Variants in PRKCH observed in about 807,000 individuals in gnomAD.
PRKCH encodes protein kinase C eta type.
Under a neutral mutation model 82.5 loss-of-function variants are expected in PRKCH, and 28 were observed. The ratio of observed to expected loss-of-function variants is 0.34; its 90% CI spans 0.25 to 0.47. PRKCH has a LOEUF of 0.47. Among genes scored for constraint, PRKCH ranks in the 20% least tolerant of loss-of-function variants. The pLI, the probability that PRKCH is intolerant of heterozygous loss-of-function variation, is 1.00. For synonymous variants in PRKCH, 322 were observed against 327.4 expected, an observed-to-expected ratio of 0.98 and a Z score of 0.18; for missense variants, 705 against 881.8, an observed-to-expected ratio of 0.80 and a Z score of 2.54.
intron 1 of PRKCH, among the ~76,000 whole-genome samples, chr14:61,193,799 G>C (rs1369082642): frequency 1.3e-5 from 2 of 152,198 alleles, no homozygotes; most frequent in Admixed American, 6.5e-5. Context: ...ATATTCAGGG[G>C]ATATATTGGG....
chr14:61,273,367 G>A (rs1347642929), intron 1 of PRKCH, among the ~76,000 whole-genome samples: 1 of 152,078 alleles, frequency 6.6e-6, no homozygotes, highest in East Asian at 1.9e-4. Context: ...TTCCTTCCTG[G>A]ATACTTCTCT....
intron 10 of PRKCH, among the ~76,000 whole-genome samples, chr14:61,522,067 T>TA (rs2042914046): frequency 6.6e-6 from 1 of 152,138 alleles, no homozygotes; most frequent in Non-Finnish European, 1.5e-5. Flanking sequence ...CCTGTATGTC[T>TA]AAAAAAAGTA....
At chr14:61,337,322 A>G (rs61990671) in intron 1 of PRKCH, among the ~76,000 whole-genome samples, 36,905 of 151,676 alleles carry the variant, frequency 0.24, 4,730 homozygotes, top group Admixed American at 0.35. Context: ...TTTTTAATGT[A>G]GAGACAGGGT....
chr14:61,436,211 A>T (rs1430826211), intron 2 of PRKCH, among the ~76,000 whole-genome samples: 1 of 152,188 alleles, frequency 6.6e-6, no homozygotes, highest in African/African-American at 2.4e-5. Context: ...GCTTGCGTGG[A>T]TGCTATGAGC....
At chr14:61,329,964 T>C (rs1376423549) in intron 1 of PRKCH, among the ~76,000 whole-genome samples, 1 of 152,202 alleles carries the variant, frequency 6.6e-6, no homozygotes, top group Non-Finnish European at 1.5e-5. Flanking sequence ...ATTACATGTT[T>C]CTATTTGAAA....
At chr14:61,264,203 T>G (rs549801242) in intron 1 of PRKCH, among the ~76,000 whole-genome samples, 1 of 152,316 alleles carries the variant, frequency 6.6e-6, no homozygotes, top group African/African-American at 2.4e-5. Flanking sequence ...GTCTTGTCTG[T>G]TAAGAACATT....
intron 9 of PRKCH, among the ~76,000 whole-genome samples, chr14:61,469,029 G>T (rs1594740493): frequency 2.0e-5 from 3 of 152,224 alleles, no homozygotes; most frequent in Admixed American, 2.0e-4. Context: ...GTTCTGCCAG[G>T]TGGTTTAGTG....
At chr14:61,368,449 A>G (rs1018083318) in intron 1 of PRKCH, among the ~76,000 whole-genome samples, 2 of 152,072 alleles carry the variant, frequency 1.3e-5, no homozygotes, top group Non-Finnish European at 1.5e-5. Flanking sequence ...TCTTCTGCCT[A>G]ATACCTGACA....
chr14:61,409,336 A>G (rs1380154422), intron 2 of PRKCH, among the ~76,000 whole-genome samples: 1 of 152,122 alleles, frequency 6.6e-6, no homozygotes, highest in Non-Finnish European at 1.5e-5. Flanking sequence ...TTTGAAACTC[A>G]TCCCCTACTC....
At chr14:61,521,036 C>T (rs1053578615) in intron 10 of PRKCH, among the ~76,000 whole-genome samples, 11 of 152,114 alleles carry the variant, frequency 7.2e-5, no homozygotes, top group African/African-American at 2.4e-4. Flanking sequence ...GAATTGTATG[C>T]AACCATTATA....
intron 1 of PRKCH, chr14:61,278,984 C>CACACACACACAT (rs2045229745): frequency 7.5e-6 from 1 of 132,940 alleles, no homozygotes; most frequent in Non-Finnish European, 1.6e-5. Flanking sequence ...ATCACACACA[C>CACACACACACAT]ACACACACAC....
Position 61,496,095 on chromosome 14 carries a change from A to G in PRKCH, c.1433+10439A>G, listed in dbSNP as rs549199792. 7.2e-5 allele frequency among the ~76,000 whole-genome samples: 11 copies of G among 152,272 alleles called. No individual in the cohort carries two copies. The East Asian group carries it at 1.9e-3, about 27-fold the overall frequency. On this transcript the variant is annotated intron_variant, in intron 10 of 13. Transcript: ENST00000332981. The stretch of plus-strand genomic sequence containing the variant: ...GGGATCAAGGAGCAGCAGAGGGACC[A>G]GTGGGCTGGAGCAGATGAATTCGGG...
chr14:61,371,948 A>G (rs1188587283), intron 1 of PRKCH, among the ~76,000 whole-genome samples: 2 of 151,962 alleles, frequency 1.3e-5, no homozygotes, highest in Non-Finnish European at 2.9e-5. Context: ...TGCATATTTT[A>G]TATTTTAGGT....
At chr14:61,369,193 A>T (rs974202194) in intron 1 of PRKCH, among the ~76,000 whole-genome samples, 1 of 152,130 alleles carries the variant, frequency 6.6e-6, no homozygotes, top group Non-Finnish European at 1.5e-5. Context: ...CTCAAGGTGT[A>T]GCTTGCATCA....
chr14:61,387,871 G>C (rs185390620), intron 1 of PRKCH, among the ~76,000 whole-genome samples: 2 of 152,144 alleles, frequency 1.3e-5, no homozygotes, highest in Non-Finnish European at 2.9e-5. Context: ...TTGTCCGCTG[G>C]GTGTGGTGGC....
intron 1 of PRKCH, among the ~76,000 whole-genome samples, chr14:61,297,055 A>T (rs1277222448): frequency 1.4e-5 from 2 of 139,570 alleles, no homozygotes; most frequent in African/African-American, 2.7e-5. Flanking sequence ...TTACTATTTT[A>T]TTATTATTTC....
chr14:61,402,541 A>G (rs915293475), intron 2 of PRKCH, among the ~76,000 whole-genome samples: 6 of 152,208 alleles, frequency 3.9e-5, no homozygotes, highest in Non-Finnish European at 5.9e-5. Flanking sequence ...TCACGCCTGT[A>G]ATCCCAGCAC....
intron 9 of PRKCH, among the ~76,000 whole-genome samples, chr14:61,484,291 CTTTTT>C (rs71449556): frequency 4.6e-4 from 40 of 86,382 alleles, no homozygotes; most frequent in African/African-American, 1.5e-3. Context: ...GCTTGTGTCA[CTTTTT>C]TTTTTTTTTT....
chr14:61,394,695 T>G lies in PRKCH; in HGVS notation c.427+3407T>G, dbSNP rs59746449. On this transcript the variant is annotated intron_variant, in intron 2 of 13. Transcript: ENST00000332981. ...TACATCTGATTGTTCTCATTGTATT[T>G]ATTTCTTAGTTTCAGTGATAATAAG... 4.5e-3 allele frequency among the ~76,000 whole-genome samples: 687 copies of G among 152,344 alleles called. 12 individuals carry two copies. The East Asian group carries it at 0.063, about 14-fold the overall frequency.
Sources: gnomAD v4.1 joint callset for allele counts (sites outside exome capture counted in the v4.1 genomes callset) on GRCh38, gnomAD v4.1.1 for gene constraint, MANE v1.5 for transcripts, NCBI Gene and HGNC (gene_info 2026-07-23, HGNC 2026-07-21) for gene names.